YLPM1: variants seen among roughly 807,000 people sequenced by gnomAD.
YLPM1 encodes the protein YLP motif containing 1.
A neutral mutation model predicts 230.0 loss-of-function variants in YLPM1; 99 were observed. That is an observed-to-expected ratio of 0.43 (90% CI 0.37 to 0.51). YLPM1 has a LOEUF of 0.51. YLPM1 is among the 20% of genes least tolerant of loss of function. YLPM1 has a pLI of 0.00. For missense variants in YLPM1, 2,592 were observed against 2,707.7 expected (o/e 0.96, Z 0.95); for synonymous variants, 984 against 942.5 (o/e 1.04, Z -0.81).
chr14:74,763,966 C>G lies in YLPM1; in HGVS notation c.477C>G (p.Pro159=), dbSNP rs772831206. Residue 159 remains proline, a synonymous_variant, in exon 1 of 21, where the codon CCC becomes CCG. Coordinates refer to ENST00000325680, the MANE Select transcript of YLPM1 (RefSeq NM_019589.3). ...SPPVPPGSYM[P]PSQSYMPPPQ... ...CTGTGCCGCCTGGGTCCTATATGCCCCCATCTCAGTCTTACATGCCCCCAC... is the reference window on the plus strand; with the variant it reads ...CTGTGCCGCCTGGGTCCTATATGCCGCCATCTCAGTCTTACATGCCCCCAC... The G allele has an allele frequency of 2.2e-6, 3 of 1,367,518 alleles. No homozygotes were observed. The highest frequency in any genetic ancestry group is 2.9e-6 in the Non-Finnish European group (3 of 1,029,958). 84.7% of individuals were successfully genotyped at this position (1,367,518 alleles called of 1,614,324 possible).
At chr14:74,821,500 T>C (rs2091520314) in intron 17 of YLPM1, 1 of 159,290 alleles carries the variant, frequency 6.3e-6, no homozygotes, top group South Asian at 2.0e-4. Flanking sequence ...TAATTGTCTC[T>C]TCTTTGCTAC....
At chr14:74,832,928 T>C (rs752572579) in intron 19 of YLPM1, among the ~76,000 whole-genome samples, 1 of 152,068 alleles carries the variant, frequency 6.6e-6, no homozygotes, top group Non-Finnish European at 1.5e-5. Context: ...AAGGTGAGAT[T>C]GATCAGTATA....
intron 15 of YLPM1, 29 bp from the exon 16 acceptor site, chr14:74,818,202 A>T (rs1346301952): frequency 1.3e-6 from 2 of 1,552,092 alleles, no homozygotes; most frequent in African/African-American, 1.4e-5. Flanking sequence ...GTTTCTAGAG[A>T]TAACTCAACC....
intron 1 of YLPM1, among the ~76,000 whole-genome samples, chr14:74,764,721 C>T (rs1019317441): frequency 3.3e-5 from 5 of 152,106 alleles, no homozygotes; most frequent in African/African-American, 1.2e-4. Flanking sequence ...ACGAAAGTTT[C>T]CATTTGAGAG....
In YLPM1 at chr14:74,781,457, A is replaced by G. The variant is rs370975224; in HGVS notation, c.1414A>G (p.Lys472Glu). The change falls in exon 4 of 21, where the codon AAA becomes GAA. Residue 472 changes from lysine to glutamate, a missense_variant. Transcript: ENST00000325680. Reference sequence around the variant, plus strand: ...GGAACAACTCCATTCCTATCCTCATAAAGATCAGCTTCAGGAGTATGAGAA... The same window carrying G: ...GGAACAACTCCATTCCTATCCTCATGAAGATCAGCTTCAGGAGTATGAGAA... ...WEEQLHSYPHKDQLQEYEKQW... is the reference protein window; with the variant it reads ...WEEQLHSYPHEDQLQEYEKQW... 5 of 1,612,898 alleles carry G rather than the reference A, an allele frequency of 3.1e-6. No individual in the cohort carries two copies. The highest frequency in any genetic ancestry group is 2.7e-5 in the African/African-American group (2 of 74,912).
At chr14:74,803,594 G>C (rs1271474131) in intron 6 of YLPM1, among the ~76,000 whole-genome samples, 1 of 152,150 alleles carries the variant, frequency 6.6e-6, no homozygotes, top group Non-Finnish European at 1.5e-5. Flanking sequence ...CCTGTCTGCA[G>C]GGTTTCTGTC....
At position 74,782,230 on chromosome 14, in the gene YLPM1, G is replaced by A; in HGVS notation, c.2187G>A (p.Gln729=). The A allele has an allele frequency of 6.2e-7, 1 of 1,600,378 alleles. No individual in the cohort carries two copies. Among genetic ancestry groups the A allele is most frequent in the African/African-American group, 1.3e-5 (1 of 75,028 alleles). The change falls in exon 4 of 21, where the codon CAG becomes CAA. Residue 729 remains glutamine, a synonymous_variant. Coordinates refer to ENST00000325680, the MANE Select transcript of YLPM1 (RefSeq NM_019589.3). ...GGGAGTCTTCAGCTGCTCCATCTCA[G>A]CCAATCACTGCAGTGAAGGACATGC... ...GLGESSAAPS[Q]PITAVKDMPV... is the part of the protein sequence containing the mutation.
intron 19 of YLPM1, among the ~76,000 whole-genome samples, chr14:74,829,581 A>G (rs1405316016): frequency 4.6e-5 from 7 of 152,166 alleles, no homozygotes; most frequent in African/African-American, 1.7e-4. Flanking sequence ...CCTTAAAGGC[A>G]TTGGGAGTGG....
At chr14:74,829,428 T>C (rs2091591410) in intron 19 of YLPM1, 85 bp downstream of exon 19, 1 of 1,555,962 alleles carries the variant, frequency 6.4e-7, no homozygotes, top group Non-Finnish European at 8.8e-7. Context: ...GATGATCACA[T>C]GGATGCTATT....
rs192496787 is a variant in YLPM1 at position 74,769,203 on chromosome 14, T to C, written c.873+4841T>C. 1.1e-3 allele frequency among the ~76,000 whole-genome samples: 171 copies of C among 148,970 alleles called. 1 individual carries two copies. The highest frequency in any genetic ancestry group is 4.1e-3 in the African/African-American group (169 of 40,812). ...CAATTTTCTGCCTCAGCCTCCCTAGTAACTGGGATTACAGGTGCCTGCCAC... is the reference window on the plus strand; with the variant it reads ...CAATTTTCTGCCTCAGCCTCCCTAGCAACTGGGATTACAGGTGCCTGCCAC... On this transcript the variant is annotated intron_variant, in intron 1 of 20. Transcript: ENST00000325680.
chr14:74,825,645 A>G (rs1001879869), intron 18 of YLPM1, among the ~76,000 whole-genome samples: 2 of 152,182 alleles, frequency 1.3e-5, no homozygotes, highest in East Asian at 1.9e-4. Flanking sequence ...AGTTCTGTAC[A>G]TTAGAATGAC....
rs917135097 is a variant in YLPM1 at position 74,787,764 on chromosome 14, C to G, written c.2282+5439C>G. 9.2e-5 allele frequency among the ~76,000 whole-genome samples: 14 copies of G among 151,928 alleles called. 1 individual carries two copies. The highest frequency in any genetic ancestry group is 2.1e-4 in the South Asian group (1 of 4,818). On this transcript the variant is annotated intron_variant, in intron 4 of 20. Transcript: ENST00000325680. ...GCATGGTGGCTCACATCTGTAATCT[C>G]AGTACTTTGGGAGGCCTAGGCGAGC... is the stretch of plus-strand genomic sequence containing the variant.
chr14:74,813,001 T>A (rs2091448948), intron 11 of YLPM1, among the ~76,000 whole-genome samples: 2 of 152,210 alleles, frequency 1.3e-5, no homozygotes, highest in African/African-American at 4.8e-5. Flanking sequence ...AGATGTTGAA[T>A]TTTAAAACAT....
chr14:74,771,641 C>T (rs2090977152), intron 1 of YLPM1, among the ~76,000 whole-genome samples: 2 of 152,104 alleles, frequency 1.3e-5, no homozygotes, highest in Non-Finnish European at 2.9e-5. Context: ...ATAAAGACTG[C>T]GAGTTATCTT....
intron 17 of YLPM1, 98 bp from the exon 18 acceptor site, chr14:74,824,158 G>C (rs2091544843): frequency 1.7e-6 from 2 of 1,195,648 alleles, no homozygotes; most frequent in Admixed American, 4.3e-5. Flanking sequence ...AGTGGAAACT[G>C]AATCCATTCC....
chr14:74,817,392 G>A, intron 15 of YLPM1, 115 bp downstream of exon 15: 1 of 993,506 alleles, frequency 1.0e-6, no homozygotes, highest in Non-Finnish European at 1.5e-6. Flanking sequence ...TATTTTTATT[G>A]TACCTTTTCT....
intron 4 of YLPM1, among the ~76,000 whole-genome samples, chr14:74,783,637 C>T (rs1303128170): frequency 6.6e-6 from 1 of 152,144 alleles, no homozygotes; most frequent in African/African-American, 2.4e-5. Context: ...AGTGGATCTA[C>T]ATCATCATTT....
chr14:74,824,860 C>G (rs1236307548), intron 18 of YLPM1, among the ~76,000 whole-genome samples: 1 of 151,922 alleles, frequency 6.6e-6, no homozygotes, highest in African/African-American at 2.4e-5. Context: ...CAAGGTAAAC[C>G]AGTTTAAATG....
At chr14:74,805,340 G>A (rs977477678) in intron 6 of YLPM1, among the ~76,000 whole-genome samples, 4 of 151,634 alleles carry the variant, frequency 2.6e-5, no homozygotes, top group African/African-American at 9.7e-5. Flanking sequence ...TTAGGAGTAA[G>A]TTTTATGTTT....
Sources: allele counts gnomAD v4.1 joint callset (sites outside exome capture counted in the v4.1 genomes callset), GRCh38; gene constraint gnomAD v4.1.1; transcripts MANE v1.5; gene names NCBI Gene and HGNC (gene_info 2026-07-23, HGNC 2026-07-21).